The following TOX2 variants were observed in gnomAD, a reference collection of about 807,000 sequenced individuals.
TOX2 encodes the protein granulosa cell HMG box 1.
In TOX2, 15 loss-of-function variants were observed where a neutral mutation model predicts 47.4. That is an observed-to-expected ratio of 0.32 (90% confidence interval 0.21 to 0.49). TOX2 has a LOEUF of 0.49. TOX2 is among the 20% of genes least tolerant of loss of function. The pLI is 0.99. For missense variants in TOX2, 622 were observed against 673.1 expected, an observed-to-expected ratio of 0.92 and a Z score of 0.84; for synonymous variants, 290 against 296.6, an observed-to-expected ratio of 0.98 and a Z score of 0.23.
intron 1 of TOX2, among the ~76,000 whole-genome samples, chr20:43,938,331 C>T (rs187860667): frequency 6.6e-6 from 1 of 152,320 alleles, no homozygotes; most frequent in Non-Finnish European, 1.5e-5. Context: ...CCCCTTAGTC[C>T]TCCCCTCCTG....
chr20:43,951,705 A>ATTTTTTTTTTT (rs1212223106), intron 1 of TOX2, among the ~76,000 whole-genome samples: 4 of 30,384 alleles, frequency 1.3e-4, no homozygotes, highest in East Asian at 1.2e-3. Flanking sequence ...TAAACTTATT[A>ATTTTTTTTTTT]TGTTTTTTTT....
intron 3 of TOX2, among the ~76,000 whole-genome samples, chr20:44,030,970 A>C (rs1197154032): frequency 1.3e-5 from 2 of 152,154 alleles, no homozygotes; most frequent in East Asian, 3.9e-4. Context: ...CTCAGTAACA[A>C]CTGGGGAGGC....
chr20:43,981,634 G>A (rs1170997495), intron 2 of TOX2, among the ~76,000 whole-genome samples: 1 of 152,138 alleles, frequency 6.6e-6, no homozygotes, highest in Non-Finnish European at 1.5e-5. Flanking sequence ...TATAACTTTA[G>A]AAAGTTAAAT....
rs2071505259 is a variant in TOX2 at position 44,051,308 on chromosome 20, C to A, written c.414C>A (p.Ile138=). Residue 138 remains isoleucine, a splice_region_variant and synonymous_variant, in exon 4 of 9, where the codon ATC becomes ATA. Transcript: ENST00000341197. ...ACCCTCCTGTCCTCCTCTCTTAGAT[C>A]CAGGAGATGGTCCACTCGGAAGTGG... The part of the protein sequence containing the change: ...SHLLSGQLPT[I]QEMVHSEVAA... 1.2e-6 allele frequency: 2 copies of A among 1,604,824 alleles called. No homozygotes were observed. The highest frequency in any genetic ancestry group is 1.7e-4 in the Middle Eastern group (1 of 6,024).
At position 44,066,087 on chromosome 20, in the gene TOX2, C is replaced by T. The variant is rs766385639; in HGVS notation, c.1336C>T (p.Pro446Ser). 6 of 1,560,034 alleles carry T rather than the reference C, an allele frequency of 3.8e-6. No individual in the cohort carries two copies. Among genetic ancestry groups the T allele is most frequent in the African/African-American group, 2.7e-5 (2 of 74,168 alleles). Residue 446 changes from proline (P) to serine (S), a missense_variant, in exon 7 of 9, where the codon CCC becomes TCC. Coordinates refer to ENST00000341197, the MANE Select transcript of TOX2 (RefSeq NM_001098797.2). ...MALQVQLAMS[P>S]SPPGPQDFPH... ...ACTCCAGGTGCAGCTGGCGATGAGC[C>T]CCTCACCTCCAGGGCCACAGGTAAG...
At chr20:43,978,086 T>G (rs1234833288) in intron 2 of TOX2, among the ~76,000 whole-genome samples, 2 of 152,192 alleles carry the variant, frequency 1.3e-5, no homozygotes, top group Admixed American at 6.5e-5. Flanking sequence ...GGTGTGTGTG[T>G]ATTGTGGATT....
At chr20:43,997,015 A>G (rs1234475720) in intron 2 of TOX2, among the ~76,000 whole-genome samples, 4 of 152,180 alleles carry the variant, frequency 2.6e-5, no homozygotes, top group Admixed American at 6.5e-5. Context: ...ATTTCTCACC[A>G]TGCATCACCA....
intron 4 of TOX2, 71 bp downstream of exon 4, chr20:44,051,616 G>A (rs555854834): frequency 2.0e-5 from 31 of 1,512,806 alleles, no homozygotes; most frequent in Admixed American, 6.4e-5. Flanking sequence ...GTGGGGAAAT[G>A]GGCATCACCT....
chr20:43,987,722 C>T (rs2145532308), intron 2 of TOX2, among the ~76,000 whole-genome samples: 1 of 152,088 alleles, frequency 6.6e-6, no homozygotes, highest in Middle Eastern at 3.4e-3. Context: ...ATGTATTTAA[C>T]TTCCTGGGAG....
At chr20:44,035,513 T>G (rs556660235) in intron 3 of TOX2, among the ~76,000 whole-genome samples, 43 of 152,136 alleles carry the variant, frequency 2.8e-4, no homozygotes, top group African/African-American at 9.6e-4. Flanking sequence ...GTCTTACTCC[T>G]GTTCCCCCAC....
intron 1 of TOX2, among the ~76,000 whole-genome samples, chr20:43,952,094 G>C (rs1381795569): frequency 1.3e-5 from 2 of 151,808 alleles, no homozygotes; most frequent in Non-Finnish European, 2.9e-5. Flanking sequence ...GTAGAGATGG[G>C]GTTTCACCAT....
At chr20:43,963,100 T>G (rs11698459) in intron 1 of TOX2, among the ~76,000 whole-genome samples, 22,697 of 151,876 alleles carry the variant, frequency 0.15, 2,219 homozygotes, top group African/African-American at 0.27. Flanking sequence ...AGAAGCCACG[T>G]GTGGTAAGCG....
chr20:43,915,835 C>T lies in TOX2; in HGVS notation c.99+845C>T, dbSNP rs544346793. 6.6e-6 allele frequency among the ~76,000 whole-genome samples: 1 copy of T among 152,366 alleles called. No individual in the cohort carries two copies. Among genetic ancestry groups the T allele is most frequent in the East Asian group, 1.9e-4 (1 of 5,176 alleles). Reference sequence around the variant, plus strand: ...TGGGGCTGTAGTGCCGGACACCCTCCCTCCTCCATGTTTCCAGGATCTATC... The same window carrying T: ...TGGGGCTGTAGTGCCGGACACCCTCTCTCCTCCATGTTTCCAGGATCTATC... On this transcript the variant is annotated intron_variant, in intron 1 of 8. Coordinates refer to ENST00000341197, the MANE Select transcript of TOX2 (RefSeq NM_001098797.2). The surrounding 1 kb of genome is among the most constrained non-coding windows in gnomAD (Gnocchi z 7.1).
intron 1 of TOX2, among the ~76,000 whole-genome samples, chr20:43,959,253 G>T (rs996091457): frequency 1.3e-5 from 2 of 152,212 alleles, no homozygotes; most frequent in Non-Finnish European, 2.9e-5. Context: ...CAGCAGCTTA[G>T]TGCAGAGCCT....
intron 3 of TOX2, among the ~76,000 whole-genome samples, chr20:44,011,634 G>T (rs1326775515): frequency 1.3e-5 from 2 of 152,242 alleles, no homozygotes; most frequent in Non-Finnish European, 2.9e-5. Flanking sequence ...CTGAGGGATG[G>T]TGCGGCTGGG....
chr20:43,973,876 G>T (rs1378451274), intron 2 of TOX2, among the ~76,000 whole-genome samples: 1 of 152,194 alleles, frequency 6.6e-6, no homozygotes, highest in Non-Finnish European at 1.5e-5. Flanking sequence ...GGCCACAGGG[G>T]AGGGTTGTGG....
At chr20:43,984,497 CGAG>C (rs1272338693) in intron 2 of TOX2, among the ~76,000 whole-genome samples, 2 of 152,100 alleles carry the variant, frequency 1.3e-5, no homozygotes, top group African/African-American at 4.8e-5. Context: ...AGAAAACTGC[CGAG>C]GAGGAGTGAG....
intron 1 of TOX2, among the ~76,000 whole-genome samples, chr20:43,950,109 A>C (rs987695429): frequency 5.9e-5 from 9 of 152,148 alleles, no homozygotes; most frequent in African/African-American, 2.2e-4. Context: ...GCTGGATTGT[A>C]AGTGTTCCCA....
chr20:44,064,766 G>A lies in TOX2; in HGVS notation c.880-11G>A. 1 of 1,613,762 alleles carries A rather than the reference G, an allele frequency of 6.2e-7. No homozygotes were observed. On this transcript the variant is annotated splice_polypyrimidine_tract_variant and intron_variant, in intron 5 of 8. Coordinates refer to ENST00000341197, the MANE Select transcript of TOX2 (RefSeq NM_001098797.2). Reference sequence around the variant, plus strand: ...TTCTCCCCAGTGTTGCTCATGTGTTGACTCTTCCAGGCCTACAAGAGGAAG... The same window carrying A: ...TTCTCCCCAGTGTTGCTCATGTGTTAACTCTTCCAGGCCTACAAGAGGAAG...
Sources: allele counts gnomAD v4.1 joint callset (sites outside exome capture counted in the v4.1 genomes callset), GRCh38; gene constraint gnomAD v4.1.1; non-coding constraint Gnocchi (gnomAD v3.1); transcripts MANE v1.5; gene names NCBI Gene and HGNC (gene_info 2026-07-23, HGNC 2026-07-21).